The following MTUS1 variants were observed in gnomAD, a reference collection of about 807,000 sequenced individuals.
MTUS1 encodes microtubule-associated tumor suppressor 1.
Under a neutral mutation model 120.8 loss-of-function variants are expected in MTUS1, and 109 were observed. The ratio of observed to expected loss-of-function variants is 0.90; its 90% CI spans 0.77 to 1.06. The LOEUF (loss-of-function observed/expected upper bound fraction) is 1.06, where lower values mean the gene tolerates loss of function less well. Among genes scored for constraint, MTUS1 ranks in the 50% least tolerant of loss-of-function variants. The probability of loss-of-function intolerance (pLI) is 0.00; values close to 1 mark genes in which losing one functional copy is unlikely to be tolerated. For synonymous variants in MTUS1, 737 were observed against 550.5 expected (o/e 1.34, Z -4.74); for missense variants, 2,210 against 1,486.3 (o/e 1.49, Z -8.01).
chr8:17,790,941 G>A (rs898671070), intron 1 of MTUS1, among the ~76,000 whole-genome samples: 5 of 152,046 alleles, frequency 3.3e-5, no homozygotes, highest in Admixed American at 2.0e-4. Flanking sequence ...CAGCCGGATC[G>A]TACCACTGCA....
chr8:17,701,813 T>C (rs1476498313), intron 6 of MTUS1, among the ~76,000 whole-genome samples: 1 of 152,206 alleles, frequency 6.6e-6, no homozygotes, highest in East Asian at 1.9e-4. Context: ...CCTCCCAAAG[T>C]GCTGGGATTA....
chr8:17,706,475 C>T (rs1356867978), intron 6 of MTUS1, among the ~76,000 whole-genome samples: 3 of 152,094 alleles, frequency 2.0e-5, no homozygotes, highest in Non-Finnish European at 4.4e-5. Context: ...AAAGGTCAAG[C>T]TAAAACAATG....
intron 9 of MTUS1, 125 bp downstream of exon 9, chr8:17,655,738 C>G (rs1808065558): frequency 1.2e-6 from 1 of 834,336 alleles, no homozygotes; most frequent in Non-Finnish European, 1.9e-6. Context: ...CTTAAATAAA[C>G]AACAACAACA....
At chr8:17,672,155 G>C (rs989283075) in intron 8 of MTUS1, among the ~76,000 whole-genome samples, 2 of 152,072 alleles carry the variant, frequency 1.3e-5, no homozygotes, top group South Asian at 2.1e-4. Flanking sequence ...GGAATATTTA[G>C]TCTAATGATT....
At position 17,754,086 on chromosome 8, in the gene MTUS1, T is replaced by C. The variant is rs1237992258; in HGVS notation, c.1722A>G (p.Thr574=). 1.2e-6 allele frequency: 2 copies of C among 1,614,148 alleles called. No homozygotes were observed. The highest frequency in any genetic ancestry group is 1.7e-6 in the Non-Finnish European group (2 of 1,180,038). ...TGAGTTTATTAAACTGCTGCTTATG[T>C]GTCTTGTTAATTAGAATTTCTGCTT... The part of the protein sequence containing the change: ...DKKAEILINK[T]HKQQFNKLIT... The change falls in exon 2 of 15, where the codon ACA becomes ACG. Residue 574 remains threonine, a synonymous_variant. Transcript: ENST00000693296.
In MTUS1 at chr8:17,754,010, T is replaced by A. The variant is rs147125441; in HGVS notation, c.1798A>T (p.Arg600Trp). 1.2e-6 allele frequency: 2 copies of A among 1,614,198 alleles called. No homozygotes were observed. Among genetic ancestry groups the A allele is most frequent in the South Asian group, 2.2e-5 (2 of 91,084 alleles). The change falls in exon 2 of 15, where the codon AGG becomes TGG. Residue 600 changes from arginine to tryptophan, a missense_variant. Physicochemically the swap from Arg to Trp is moderately radical, Grantham distance 101. Transcript: ENST00000693296. ...VTTHSKNASH[R>W]VPRTTSAVKS... ...ACGGCAGATGTTGTTCTTGGAACCC[T>A]GTGTGAAGCATTTTTAGAATGAGTT...
At chr8:17,663,764 T>C (rs1293204974) in intron 8 of MTUS1, among the ~76,000 whole-genome samples, 1 of 151,958 alleles carries the variant, frequency 6.6e-6, no homozygotes, top group Admixed American at 6.6e-5. Context: ...CCCGGCTAAT[T>C]TTTGTATTTT....
At chr8:17,749,462 C>G (rs942477785) in intron 2 of MTUS1, among the ~76,000 whole-genome samples, 1 of 151,736 alleles carries the variant, frequency 6.6e-6, no homozygotes. Context: ...AGTTCGAGAC[C>G]GGCCTGGCCA....
At chr8:17,732,943 T>G (rs2046688159) in intron 3 of MTUS1, among the ~76,000 whole-genome samples, 1 of 152,132 alleles carries the variant, frequency 6.6e-6, no homozygotes, top group Non-Finnish European at 1.5e-5. Context: ...CTGATCTCCC[T>G]GTTCCTACTT....
chr8:17,731,685 CAT>C (rs1421090803), intron 3 of MTUS1, among the ~76,000 whole-genome samples: 5 of 151,686 alleles, frequency 3.3e-5, no homozygotes, highest in African/African-American at 1.2e-4. Flanking sequence ...AATAAAAAGA[CAT>C]AAAAACAACA....
intron 8 of MTUS1, among the ~76,000 whole-genome samples, chr8:17,668,372 A>G (rs1811336916): frequency 6.6e-6 from 1 of 152,210 alleles, no homozygotes; most frequent in Non-Finnish European, 1.5e-5. Context: ...AACATTAATG[A>G]AAAGCAAAAA....
At chr8:17,762,789 T>C (rs772263073) in intron 1 of MTUS1, among the ~76,000 whole-genome samples, 110 of 152,032 alleles carry the variant, frequency 7.2e-4, no homozygotes, top group Non-Finnish European at 1.2e-3. Context: ...GGGCCTTTGG[T>C]TGGTCAACTG....
rs535545754 is a variant in MTUS1, at chr8:17,757,499, C to A, written c.-154-1538G>T. On this transcript the variant is annotated intron_variant, in intron 1 of 14. Coordinates refer to ENST00000693296, the MANE Select transcript of MTUS1 (RefSeq NM_001363059.2). ...GAAACCATTAAAACACCCACGAAAGCATTTAAATCTAAAACTTTTTGCAAA... is the reference window on the plus strand; with the variant it reads ...GAAACCATTAAAACACCCACGAAAGAATTTAAATCTAAAACTTTTTGCAAA... 2.6e-5 allele frequency among the ~76,000 whole-genome samples: 4 copies of A among 152,286 alleles called. No individual in the cohort carries two copies. The East Asian group carries it at 7.7e-4, about 29-fold the overall frequency.
At chr8:17,714,364 A>G (rs1351511933) in intron 5 of MTUS1, among the ~76,000 whole-genome samples, 3 of 152,224 alleles carry the variant, frequency 2.0e-5, no homozygotes, top group Non-Finnish European at 4.4e-5. Context: ...GGATGCTGTG[A>G]CAGAGTAACA....
At chr8:17,763,448 C>G (rs1256858851) in intron 1 of MTUS1, among the ~76,000 whole-genome samples, 1 of 152,310 alleles carries the variant, frequency 6.6e-6, no homozygotes, top group African/African-American at 2.4e-5. Context: ...ATTCCTTCCA[C>G]GTGGAGGGAG....
chr8:17,768,840 G>C (rs901512561), intron 1 of MTUS1, among the ~76,000 whole-genome samples: 1 of 152,080 alleles, frequency 6.6e-6, no homozygotes, highest in African/African-American at 2.4e-5. Context: ...AAAAGTCAAA[G>C]AATCTCCCAA....
chr8:17,744,283 G>C (rs2047560588), intron 2 of MTUS1, among the ~76,000 whole-genome samples: 1 of 151,976 alleles, frequency 6.6e-6, no homozygotes, highest in East Asian at 1.9e-4. Context: ...AGTCTAAATA[G>C]GTAATATTTG....
At chr8:17,713,315 A>C (rs1056690738) in intron 5 of MTUS1, 63 bp from the exon 6 acceptor site, 2 of 943,698 alleles carry the variant, frequency 2.1e-6, no homozygotes, top group African/African-American at 3.3e-5. Context: ...ATAAAAACAA[A>C]CCATGTTGAT....
At chr8:17,676,290 A>C (rs760016714) in intron 7 of MTUS1, 3 of 702,920 alleles carry the variant, frequency 4.3e-6, no homozygotes, top group Non-Finnish European at 7.8e-6. Context: ...GTTGCTGCAC[A>C]TGGAGAATAG....
Sources: gnomAD v4.1 joint callset for allele counts (sites outside exome capture counted in the v4.1 genomes callset) on GRCh38, gnomAD v4.1.1 for gene constraint, MANE v1.5 for transcripts, NCBI Gene and HGNC (gene_info 2026-07-23, HGNC 2026-07-21) for gene names.